Variants in PXDNL observed in about 807,000 individuals in gnomAD.
PXDNL encodes probable oxidoreductase PXDNL.
PXDNL carries 145 observed loss-of-function variants against 150.8 expected under a neutral mutation model. The observed-to-expected ratio is 0.96, with a 90% confidence interval of 0.84 to 1.10. The LOEUF (loss-of-function observed/expected upper bound fraction) is 1.10, where lower values mean the gene tolerates loss of function less well. Among genes scored for constraint, PXDNL ranks in the 50% least tolerant of loss-of-function variants. The pLI, the probability that PXDNL is intolerant of heterozygous loss-of-function variation, is 0.00. For synonymous variants in PXDNL, 757 were observed against 725.7 expected, an observed-to-expected ratio of 1.04 and a Z score of -0.69; for missense variants, 2,087 against 1,873.9, an observed-to-expected ratio of 1.11 and a Z score of -2.10.
At chr8:51,362,739 T>C (rs890032038) in intron 19 of PXDNL, among the ~76,000 whole-genome samples, 1 of 152,192 alleles carries the variant, frequency 6.6e-6, no homozygotes, top group Non-Finnish European at 1.5e-5. Flanking sequence ...ATGAAGCATG[T>C]GATTGAAAGA....
intron 5 of PXDNL, among the ~76,000 whole-genome samples, chr8:51,495,000 C>T (rs1425501964): frequency 6.6e-6 from 1 of 152,186 alleles, no homozygotes; most frequent in African/African-American, 2.4e-5. Flanking sequence ...CCACACCACA[C>T]CTATTCCAAA....
intron 1 of PXDNL, among the ~76,000 whole-genome samples, chr8:51,686,302 A>G (rs1354795804): frequency 6.6e-6 from 1 of 152,244 alleles, no homozygotes; most frequent in Admixed American, 6.5e-5. Flanking sequence ...ATAATGTAAT[A>G]TAAGAAACCA....
At chr8:51,777,804 G>A (rs1387925102) in intron 1 of PXDNL, among the ~76,000 whole-genome samples, 1 of 152,226 alleles carries the variant, frequency 6.6e-6, no homozygotes, top group Non-Finnish European at 1.5e-5. Flanking sequence ...TCAAGAGGCT[G>A]AGGCAGGAGA....
intron 8 of PXDNL, among the ~76,000 whole-genome samples, chr8:51,470,798 C>T (rs1810310253): frequency 6.6e-6 from 1 of 152,062 alleles, no homozygotes; most frequent in African/African-American, 2.4e-5. Context: ...AAAACTGAAA[C>T]TGGACCCCTT....
chr8:51,801,490 A>C (rs1200111784), intron 1 of PXDNL, among the ~76,000 whole-genome samples: 1 of 152,206 alleles, frequency 6.6e-6, no homozygotes, highest in African/African-American at 2.4e-5. Context: ...CCTTAATAAA[A>C]ACCTGCTGGT....
intron 4 of PXDNL, among the ~76,000 whole-genome samples, chr8:51,513,040 T>G (rs1400310515): frequency 6.6e-6 from 1 of 152,236 alleles, no homozygotes; most frequent in Non-Finnish European, 1.5e-5. Context: ...CCTCTCCCTC[T>G]GCCTCTTGAG....
intron 1 of PXDNL, among the ~76,000 whole-genome samples, chr8:51,800,763 A>C (rs746808618): frequency 6.6e-6 from 1 of 151,918 alleles, no homozygotes; most frequent in African/African-American, 2.4e-5. Flanking sequence ...CCAAAATAAT[A>C]CTCTTATAAT....
intron 1 of PXDNL, among the ~76,000 whole-genome samples, chr8:51,665,690 T>G (rs556205109): frequency 4.6e-5 from 7 of 152,246 alleles, no homozygotes; most frequent in African/African-American, 1.7e-4. Flanking sequence ...TTCCTTCCAA[T>G]CCAAAATCAA....
intron 2 of PXDNL, among the ~76,000 whole-genome samples, chr8:51,638,647 C>T (rs561360959): frequency 7.6e-4 from 115 of 152,192 alleles, no homozygotes; most frequent in Middle Eastern, 3.4e-3. Flanking sequence ...ACAAGAAGAG[C>T]TAACTATCCT....
chr8:51,381,476 T>C (rs1447199317), intron 17 of PXDNL, among the ~76,000 whole-genome samples: 2 of 152,150 alleles, frequency 1.3e-5, no homozygotes, highest in Non-Finnish European at 2.9e-5. Flanking sequence ...TTGAGTTGTG[T>C]TCCCATGAAA....
chr8:51,758,613 G>A lies in PXDNL; in HGVS notation c.164+50568C>T, dbSNP rs547412352. ...CCTTATGCTGTTCTTGTGATAGTGA[G>A]TTTTCACGAGATCTGATGGTTTTAT... is the stretch of plus-strand genomic sequence containing the variant. On this transcript the variant is annotated intron_variant, in intron 1 of 22. Coordinates refer to ENST00000356297, the MANE Select transcript of PXDNL (RefSeq NM_144651.5). Among the ~76,000 whole-genome samples the A allele has an allele frequency of 3.9e-5, 6 of 152,278 alleles. No homozygotes were observed. The South Asian group carries it at 1.0e-3, about 26-fold the overall frequency.
At chr8:51,522,236 TC>T (rs911345296) in intron 4 of PXDNL, among the ~76,000 whole-genome samples, 11 of 152,344 alleles carry the variant, frequency 7.2e-5, no homozygotes, top group African/African-American at 2.4e-4. Flanking sequence ...GTGATGTTTT[TC>T]AGAAAAAGAT....
intron 19 of PXDNL, among the ~76,000 whole-genome samples, chr8:51,352,263 T>A (rs1806375956): frequency 6.6e-6 from 1 of 152,052 alleles, no homozygotes; most frequent in Non-Finnish European, 1.5e-5. Context: ...GGAAAAGAAA[T>A]CATTATTTCA....
intron 7 of PXDNL, 30 bp downstream of exon 7, chr8:51,474,942 T>C: frequency 6.5e-7 from 1 of 1,527,342 alleles, no homozygotes; most frequent in Non-Finnish European, 8.9e-7. Context: ...GAGACAGTTC[T>C]ATCTTATGTA....
At chr8:51,641,061 A>G (rs887194742) in intron 2 of PXDNL, among the ~76,000 whole-genome samples, 23 of 152,072 alleles carry the variant, frequency 1.5e-4, no homozygotes, top group Non-Finnish European at 2.2e-4. Context: ...CATATCTACA[A>G]CCATCTGATC....
At chr8:51,415,387 T>C (rs1258769440) in intron 14 of PXDNL, among the ~76,000 whole-genome samples, 2 of 152,012 alleles carry the variant, frequency 1.3e-5, no homozygotes, top group African/African-American at 4.8e-5. Context: ...AAGCTTACAG[T>C]AGTGGTAGAT....
At chr8:51,482,051 C>G (rs1332300452) in intron 6 of PXDNL, among the ~76,000 whole-genome samples, 1 of 152,174 alleles carries the variant, frequency 6.6e-6, no homozygotes, top group Non-Finnish European at 1.5e-5. Context: ...GGTAGATTCA[C>G]TGATAGCTTG....
intron 4 of PXDNL, among the ~76,000 whole-genome samples, chr8:51,543,537 C>T (rs1812269682): frequency 1.3e-5 from 2 of 151,200 alleles, no homozygotes; most frequent in Admixed American, 6.6e-5. Flanking sequence ...ATGGTGAAAC[C>T]CCTTCTCTAC....
chr8:51,713,254 A>G (rs1004587877), intron 1 of PXDNL, among the ~76,000 whole-genome samples: 14 of 152,246 alleles, frequency 9.2e-5, no homozygotes, highest in African/African-American at 3.1e-4. Flanking sequence ...AAGGCTAAAC[A>G]CATAGAAAAT....
Sources: allele counts gnomAD v4.1 joint callset (sites outside exome capture counted in the v4.1 genomes callset), GRCh38; gene constraint gnomAD v4.1.1; transcripts MANE v1.5; gene names NCBI Gene and HGNC (gene_info 2026-07-23, HGNC 2026-07-21).